Variants in TNFSF4 observed in about 807,000 individuals in gnomAD.
TNFSF4 encodes tumor necrosis factor ligand superfamily member 4.
Under a neutral mutation model 7.3 loss-of-function variants are expected in TNFSF4, and 4 were observed. The observed-to-expected ratio is 0.55, with a 90% CI of 0.27 to 1.25. The LOEUF is 1.25. TNFSF4 is among the 50% of genes most tolerant of loss of function. TNFSF4 has a pLI of 0.12. For synonymous variants in TNFSF4, 76 were observed against 83.7 expected, an observed-to-expected ratio of 0.91 and a Z score of 0.50; for missense variants, 181 against 208.8, an observed-to-expected ratio of 0.87 and a Z score of 0.82.
At chr1:173,367,726 T>C in the TNFSF4 span, among the ~76,000 whole-genome samples, 1 of 152,190 alleles carries the variant, frequency 6.6e-6, no homozygotes, top group Non-Finnish European at 1.5e-5. Context: ...CCTCTGAACA[T>C]AAGACCCTGC....
chr1:173,319,824 C>A, the TNFSF4 span, among the ~76,000 whole-genome samples: 1 of 152,078 alleles, frequency 6.6e-6, no homozygotes, highest in East Asian at 1.9e-4. Flanking sequence ...ACAAAGAAGA[C>A]CCCCCCACAA....
chr1:173,214,984 T>A, the TNFSF4 span, among the ~76,000 whole-genome samples: 5 of 152,248 alleles, frequency 3.3e-5, no homozygotes, highest in African/African-American at 1.2e-4. Flanking sequence ...AATGTTTGTG[T>A]TCCTGCAACC....
At chr1:173,235,261 G>A in the TNFSF4 span, among the ~76,000 whole-genome samples, 2 of 152,094 alleles carry the variant, frequency 1.3e-5, no homozygotes, top group African/African-American at 2.4e-5. Context: ...AATTAGGTAC[G>A]TGGACACATT....
At chr1:173,446,125 A>G in the TNFSF4 span, among the ~76,000 whole-genome samples, 3 of 152,178 alleles carry the variant, frequency 2.0e-5, no homozygotes, top group Non-Finnish European at 4.4e-5. Flanking sequence ...AATAAATGCT[A>G]CCACTGAGAA....
At chr1:173,304,970 G>A in the TNFSF4 span, among the ~76,000 whole-genome samples, 26 of 151,944 alleles carry the variant, frequency 1.7e-4, no homozygotes, top group Admixed American at 2.6e-4. Flanking sequence ...CACCACAGGG[G>A]TCTAGCTGCA....
the TNFSF4 span, among the ~76,000 whole-genome samples, chr1:173,304,398 A>T: frequency 6.6e-6 from 1 of 151,862 alleles, no homozygotes; most frequent in Admixed American, 6.6e-5. Context: ...TAACTGGGGG[A>T]TACATAAATG....
chr1:173,340,069 G>C, the TNFSF4 span, among the ~76,000 whole-genome samples: 1 of 152,104 alleles, frequency 6.6e-6, no homozygotes, highest in Non-Finnish European at 1.5e-5. Flanking sequence ...GACCTGAATA[G>C]AACAAAAAGA....
At chr1:173,398,786 A>C in the TNFSF4 span, among the ~76,000 whole-genome samples, 1 of 152,124 alleles carries the variant, frequency 6.6e-6, no homozygotes, top group Admixed American at 6.5e-5. Context: ...ATCCCTTGCA[A>C]AGTGAAAGAT....
the TNFSF4 span, among the ~76,000 whole-genome samples, chr1:173,364,014 T>G: frequency 6.6e-6 from 1 of 152,168 alleles, no homozygotes; most frequent in Non-Finnish European, 1.5e-5. Flanking sequence ...AAATAACAGA[T>G]ATTTTTAAAC....
At chr1:173,235,898 C>A in the TNFSF4 span, among the ~76,000 whole-genome samples, 1 of 152,150 alleles carries the variant, frequency 6.6e-6, no homozygotes, top group Non-Finnish European at 1.5e-5. Flanking sequence ...TACTAACCCT[C>A]CATATTTCCT....
At chr1:173,352,228 C>A in the TNFSF4 span, among the ~76,000 whole-genome samples, 1 of 152,158 alleles carries the variant, frequency 6.6e-6, no homozygotes, top group Non-Finnish European at 1.5e-5. Flanking sequence ...GGAGCGGGGA[C>A]ACCTTACTGT....
the TNFSF4 span, among the ~76,000 whole-genome samples, chr1:173,213,509 G>A: frequency 6.6e-6 from 1 of 152,020 alleles, no homozygotes; most frequent in Admixed American, 6.6e-5. Flanking sequence ...TGTGTGCAAC[G>A]ACAAGAACAT....
chr1:173,330,263 TTTA>T, the TNFSF4 span, among the ~76,000 whole-genome samples: 1 of 148,164 alleles, frequency 6.7e-6, no homozygotes, highest in Admixed American at 6.9e-5. Flanking sequence ...TTCACTAATT[TTTA>T]TTATTTTTTA....
downstream of TNFSF4, among the ~76,000 whole-genome samples, chr1:173,180,297 A>G (rs1371901044): frequency 6.6e-6 from 1 of 152,132 alleles, no homozygotes; most frequent in Non-Finnish European, 1.5e-5. Flanking sequence ...CTTCTCTTCA[A>G]TCCAATTCAT....
downstream of TNFSF4, among the ~76,000 whole-genome samples, chr1:173,178,954 G>A (rs556265459): frequency 2.0e-3 from 300 of 152,324 alleles, no homozygotes; most frequent in African/African-American, 6.9e-3. Flanking sequence ...GAGAAAATGT[G>A]ATATGATACA....
chr1:173,390,246 GT>G, the TNFSF4 span, among the ~76,000 whole-genome samples: 6 of 152,260 alleles, frequency 3.9e-5, no homozygotes, highest in African/African-American at 1.4e-4. Context: ...CCAGCCAAAA[GT>G]AGTCATTTTC....
the TNFSF4 span, among the ~76,000 whole-genome samples, chr1:173,365,385 T>C: frequency 6.6e-6 from 1 of 152,200 alleles, no homozygotes; most frequent in East Asian, 1.9e-4. Context: ...ATTGACTGTC[T>C]CAAAAGGTTT....
chr1:173,344,138 C>G, the TNFSF4 span, among the ~76,000 whole-genome samples: 1 of 152,124 alleles, frequency 6.6e-6, no homozygotes, highest in Non-Finnish European at 1.5e-5. Context: ...TAAGGCAAAG[C>G]TAAATAAGTC....
At chr1:173,188,705 TTTGTTGTTG>T in intron 1 of TNFSF4, 136 bp from the exon 2 acceptor site, 1 of 727,368 alleles carries the variant, frequency 1.4e-6, no homozygotes, top group Admixed American at 2.7e-5. Context: ...ACTTGACTTT[TTTGTTGTTG>T]TTGTTGTTGT....
Sources: gnomAD v4.1 joint callset for allele counts (sites outside exome capture counted in the v4.1 genomes callset) on GRCh38, gnomAD v4.1.1 for gene constraint, MANE v1.5 for transcripts, NCBI Gene and HGNC (gene_info 2026-07-23, HGNC 2026-07-21) for gene names.